Variants in MALRD1 observed in about 807,000 individuals in gnomAD.
MALRD1 encodes the protein MAM and LDL-receptor class A domain-containing protein 1.
Under a neutral mutation model 242.1 loss-of-function variants are expected in MALRD1, and 247 were observed. That is an observed-to-expected ratio of 1.02 (90% CI 0.92 to 1.13). MALRD1 has a LOEUF of 1.13. MALRD1 is among the 50% of genes most tolerant of loss of function. The pLI is 0.00. For missense variants in MALRD1, 2,989 were observed against 2,533.1 expected, an observed-to-expected ratio of 1.18 and a Z score of -3.86; for synonymous variants, 995 against 866.6, an observed-to-expected ratio of 1.15 and a Z score of -2.60.
intron 29 of MALRD1, among the ~76,000 whole-genome samples, chr10:19,456,573 A>G (rs925719108): frequency 6.6e-6 from 1 of 152,152 alleles, no homozygotes; most frequent in Non-Finnish European, 1.5e-5. Context: ...TTCAGAACTT[A>G]CCTTCTTCAC....
At chr10:19,613,933 C>T (rs1181633684) in intron 35 of MALRD1, among the ~76,000 whole-genome samples, 1 of 152,020 alleles carries the variant, frequency 6.6e-6, no homozygotes, top group African/African-American at 2.4e-5. Flanking sequence ...CTTTTTCTTA[C>T]TCCCCAAACG....
At chr10:19,730,347 A>G (rs1367880162) in intron 38 of MALRD1, among the ~76,000 whole-genome samples, 1 of 152,158 alleles carries the variant, frequency 6.6e-6, no homozygotes, top group Non-Finnish European at 1.5e-5. Flanking sequence ...GCCTTTCTTT[A>G]TCACTAGTAC....
At chr10:19,225,520 T>A (rs201366675) in intron 18 of MALRD1, among the ~76,000 whole-genome samples, 2 of 96,314 alleles carry the variant, frequency 2.1e-5, no homozygotes, top group East Asian at 4.5e-4. Context: ...ATATATATAT[T>A]TTTTCTGTCA....
intron 32 of MALRD1, among the ~76,000 whole-genome samples, chr10:19,558,136 G>T (rs1041174792): frequency 1.3e-5 from 2 of 151,960 alleles, no homozygotes; most frequent in African/African-American, 4.8e-5. Flanking sequence ...TCACTTCCAG[G>T]AAGTTTTTTG....
At chr10:19,704,216 C>T (rs1833755432) in intron 38 of MALRD1, among the ~76,000 whole-genome samples, 1 of 152,142 alleles carries the variant, frequency 6.6e-6, no homozygotes, top group Admixed American at 6.5e-5. Context: ...TAAGTAATTT[C>T]ATAGAATCGT....
At chr10:19,369,263 G>T (rs1256944020) in intron 26 of MALRD1, among the ~76,000 whole-genome samples, 3 of 144,276 alleles carry the variant, frequency 2.1e-5, no homozygotes, top group South Asian at 2.1e-4. Context: ...CACTTATGTT[G>T]TATACATTTA....
chr10:19,055,291 T>C (rs1834629485), intron 1 of MALRD1, among the ~76,000 whole-genome samples: 1 of 152,228 alleles, frequency 6.6e-6, no homozygotes, highest in Admixed American at 6.5e-5. Flanking sequence ...TTATATATTC[T>C]GAATATCAAC....
intron 31 of MALRD1, among the ~76,000 whole-genome samples, chr10:19,513,385 A>G (rs573773603): frequency 1.3e-5 from 2 of 151,328 alleles, no homozygotes; most frequent in African/African-American, 2.4e-5. Context: ...TACTGGTGCC[A>G]TGCTTATACA....
chr10:19,498,537 C>G lies in MALRD1; in HGVS notation c.5211C>G (p.Asn1737Lys). Residue 1737 changes from asparagine (N) to lysine (K), a missense_variant, in exon 31 of 40, where the codon AAC becomes AAG. Transcript: ENST00000454679. ...GCAATTTTGAAACAAGTTCAGGAAA[C>G]TGGACCACAGCCTGCAGTCTTACTC... ...GSCNFETSSG[N>K]WTTACSLTQD... The G allele has an allele frequency of 6.4e-7, 1 of 1,550,398 alleles. No homozygotes were observed. Among genetic ancestry groups the G allele is most frequent in the Non-Finnish European group, 8.7e-7 (1 of 1,146,870 alleles).
rs186578675 is a variant in MALRD1, at chr10:19,685,783, G to T, written c.6138-6499G>T. Among the ~76,000 whole-genome samples the T allele has an allele frequency of 2.7e-4, 41 of 152,216 alleles. No homozygotes were observed. In the South Asian group the frequency reaches 6.9e-3, roughly 25 times the overall value. ...TTTACATCAGAGTTGGGGAGAATAG[G>T]TCTCTTACCACAATTATCCATTGAA... On this transcript the variant is annotated intron_variant, in intron 36 of 39. Transcript: ENST00000454679.
chr10:19,447,054 A>T (rs1835028065), intron 28 of MALRD1, among the ~76,000 whole-genome samples: 1 of 97,904 alleles, frequency 1.0e-5, no homozygotes, highest in Non-Finnish European at 2.1e-5. Context: ...ACACACACAC[A>T]CACACACATA....
chr10:19,300,577 T>G (rs1841905280), intron 21 of MALRD1, among the ~76,000 whole-genome samples: 1 of 151,888 alleles, frequency 6.6e-6, no homozygotes. Flanking sequence ...CACCTGATCT[T>G]TGACAAAATT....
intron 33 of MALRD1, among the ~76,000 whole-genome samples, chr10:19,573,253 A>G (rs1177150785): frequency 1.3e-5 from 2 of 152,116 alleles, no homozygotes; most frequent in African/African-American, 4.8e-5. Flanking sequence ...CCTGGAAGCC[A>G]TTAAGGCTCA....
chr10:19,086,483 G>A (rs1279112311), intron 2 of MALRD1, among the ~76,000 whole-genome samples: 1 of 152,014 alleles, frequency 6.6e-6, no homozygotes, highest in African/African-American at 2.4e-5. Flanking sequence ...AGAGCCCAGG[G>A]AATGCTCAAC....
chr10:19,450,301 T>G lies in MALRD1; in HGVS notation c.4846-6T>G. On this transcript the variant is annotated splice_region_variant and splice_polypyrimidine_tract_variant and intron_variant, in intron 28 of 39. Transcript: ENST00000454679. The stretch of plus-strand genomic sequence containing the variant: ...ATTTCCCTCATACAAACTTCTTTAC[T>G]TTCAGACAGAGAAAGGACTATCAAA... The G allele has an allele frequency of 6.5e-7, 1 of 1,546,092 alleles. No individual in the cohort carries two copies. The highest frequency in any genetic ancestry group is 1.2e-5 in the South Asian group (1 of 83,478).
chr10:19,293,062 C>G (rs1183396115), intron 21 of MALRD1, among the ~76,000 whole-genome samples: 3 of 152,010 alleles, frequency 2.0e-5, no homozygotes, highest in African/African-American at 7.2e-5. Flanking sequence ...GTCCCTTAGA[C>G]AGTAAATACC....
intron 5 of MALRD1, among the ~76,000 whole-genome samples, chr10:19,122,509 G>A (rs2131377157): frequency 1.3e-5 from 2 of 152,208 alleles, no homozygotes; most frequent in Admixed American, 1.3e-4. Flanking sequence ...ATGTTCAGGT[G>A]TTGAGGGGCA....
chr10:19,580,874 TAC>T (rs1391253873), intron 33 of MALRD1, among the ~76,000 whole-genome samples: 1 of 152,118 alleles, frequency 6.6e-6, no homozygotes, highest in Non-Finnish European at 1.5e-5. Context: ...TTCCTTATAC[TAC>T]ACACACTCTG....
At chr10:19,281,756 G>C (rs1229824992) in intron 20 of MALRD1, among the ~76,000 whole-genome samples, 1 of 152,024 alleles carries the variant, frequency 6.6e-6, no homozygotes, top group African/African-American at 2.4e-5. Context: ...CAGATCAGTT[G>C]AGCCCAGGAG....
Sources: allele counts gnomAD v4.1 joint callset (sites outside exome capture counted in the v4.1 genomes callset), GRCh38; gene constraint gnomAD v4.1.1; transcripts MANE v1.5; gene names NCBI Gene and HGNC (gene_info 2026-07-23, HGNC 2026-07-21).